Variants in C12orf42 observed in about 807,000 individuals in gnomAD.
C12orf42 encodes the protein uncharacterized protein C12orf42.
Under a neutral mutation model 21.6 loss-of-function variants are expected in C12orf42, and 25 were observed. That is an observed-to-expected ratio of 1.16 (90% CI 0.84 to 1.62). The LOEUF (loss-of-function observed/expected upper bound fraction) is 1.62, where lower values mean the gene tolerates loss of function less well. Ranked by LOEUF, C12orf42 falls within the 40% of genes most tolerant of loss-of-function variation. The pLI is 0.00. For missense variants in C12orf42, 483 were observed against 459.3 expected, an observed-to-expected ratio of 1.05 and a Z score of -0.47; for synonymous variants, 174 against 175.0, an observed-to-expected ratio of 0.99 and a Z score of 0.05.
the C12orf42 span, among the ~76,000 whole-genome samples, chr12:103,102,959 G>A: frequency 6.6e-6 from 1 of 152,150 alleles, no homozygotes; most frequent in Admixed American, 6.6e-5. Flanking sequence ...AGCTCTAGAA[G>A]TCACCTATTA....
chr12:103,074,651 T>C, the C12orf42 span, among the ~76,000 whole-genome samples: 7 of 152,236 alleles, frequency 4.6e-5, no homozygotes, highest in Admixed American at 4.6e-4. Flanking sequence ...TGATTAGGAT[T>C]CTGCCCTGGA....
intron 2 of C12orf42, among the ~76,000 whole-genome samples, chr12:103,414,638 T>TTCATTTTC (rs1386566238): frequency 1.3e-5 from 2 of 152,174 alleles, no homozygotes; most frequent in African/African-American, 4.8e-5. Context: ...CTAGGTATAT[T>TTCATTTTC]TCATTTTCTT....
At chr12:103,331,382 G>C (rs545353366) in intron 4 of C12orf42, among the ~76,000 whole-genome samples, 1 of 152,290 alleles carries the variant, frequency 6.6e-6, no homozygotes, top group East Asian at 1.9e-4. Context: ...AGTATTTCAT[G>C]ATTAACCCTG....
the C12orf42 span, among the ~76,000 whole-genome samples, chr12:103,076,355 TA>T: frequency 6.6e-6 from 1 of 151,692 alleles, no homozygotes; most frequent in Non-Finnish European, 1.5e-5. Context: ...TTGGGTATTA[TA>T]GGGGGTTAAT....
intron 2 of C12orf42, among the ~76,000 whole-genome samples, chr12:103,457,218 G>C (rs1211003258): frequency 6.6e-6 from 1 of 152,042 alleles, no homozygotes; most frequent in Non-Finnish European, 1.5e-5. Flanking sequence ...GATGATAAGG[G>C]AATAGTTCTG....
the C12orf42 span, among the ~76,000 whole-genome samples, chr12:103,193,895 A>T: frequency 6.6e-6 from 1 of 152,212 alleles, no homozygotes; most frequent in East Asian, 1.9e-4. Flanking sequence ...ATAGGCCATT[A>T]TCCTTGATGA....
the C12orf42 span, among the ~76,000 whole-genome samples, chr12:103,080,214 T>C: frequency 6.6e-6 from 1 of 152,158 alleles, no homozygotes; most frequent in Non-Finnish European, 1.5e-5. Flanking sequence ...TCAGTAAATG[T>C]ATAAATTACG....
the C12orf42 span, among the ~76,000 whole-genome samples, chr12:103,170,713 C>T: frequency 6.6e-6 from 1 of 152,136 alleles, no homozygotes; most frequent in Non-Finnish European, 1.5e-5. Flanking sequence ...AACCCCTTTT[C>T]ATCACTCCAT....
At chr12:103,501,331 G>T in the C12orf42 span, among the ~76,000 whole-genome samples, 1 of 152,306 alleles carries the variant, frequency 6.6e-6, no homozygotes, top group African/African-American at 2.4e-5. Context: ...GTTGGGAGAG[G>T]CAAAAGGAGA....
At chr12:103,130,674 A>G in the C12orf42 span, among the ~76,000 whole-genome samples, 1,329 of 152,246 alleles carry the variant, frequency 8.7e-3, 26 homozygotes, top group African/African-American at 0.03. Flanking sequence ...TGCAGGCTCA[A>G]TGGCAGCCTC....
At chr12:103,139,040 G>A in the C12orf42 span, among the ~76,000 whole-genome samples, 1 of 151,930 alleles carries the variant, frequency 6.6e-6, no homozygotes, top group Non-Finnish European at 1.5e-5. Context: ...CTTGTCTTGT[G>A]TTTTCTTTTC....
the C12orf42 span, among the ~76,000 whole-genome samples, chr12:103,213,926 A>G: frequency 2.0e-5 from 3 of 152,224 alleles, no homozygotes; most frequent in Non-Finnish European, 4.4e-5. Flanking sequence ...GATACCCAGC[A>G]CATGAGCTGA....
At chr12:103,151,047 C>T in the C12orf42 span, among the ~76,000 whole-genome samples, 1 of 152,134 alleles carries the variant, frequency 6.6e-6, no homozygotes, top group South Asian at 2.1e-4. Context: ...CCTGCCTCAG[C>T]ACCCTGAGTA....
intron 4 of C12orf42, among the ~76,000 whole-genome samples, chr12:103,315,874 C>CA (rs150066341): frequency 0.083 from 12,560 of 151,690 alleles, 524 homozygotes; most frequent in East Asian, 0.18. Flanking sequence ...GGTTTTACCA[C>CA]AAAAAATGAT....
the C12orf42 span, among the ~76,000 whole-genome samples, chr12:103,104,903 G>A: frequency 1.3e-5 from 2 of 152,196 alleles, no homozygotes; most frequent in Non-Finnish European, 2.9e-5. Flanking sequence ...CATGGAAGTA[G>A]CAAGGACATT....
the C12orf42 span, among the ~76,000 whole-genome samples, chr12:103,177,457 C>T: frequency 2.6e-5 from 4 of 152,138 alleles, no homozygotes; most frequent in African/African-American, 9.7e-5. Flanking sequence ...TTCCAAAGAG[C>T]TAAAGAAATG....
chr12:103,352,206 G>C (rs1438630489), intron 4 of C12orf42, among the ~76,000 whole-genome samples: 1 of 152,158 alleles, frequency 6.6e-6, no homozygotes, highest in East Asian at 1.9e-4. Flanking sequence ...AGGCCAAGGA[G>C]CTTACTGGTG....
intron 2 of C12orf42, among the ~76,000 whole-genome samples, chr12:103,408,622 C>A (rs2048600344): frequency 6.6e-6 from 1 of 152,166 alleles, no homozygotes; most frequent in Non-Finnish European, 1.5e-5. Flanking sequence ...CTCCATTTGT[C>A]ATTATCAGCC....
chr12:103,294,454 GAAAGAAAGA>G (rs2037050080), intron 4 of C12orf42, among the ~76,000 whole-genome samples: 1 of 112,064 alleles, frequency 8.9e-6, no homozygotes, highest in African/African-American at 4.0e-5. Flanking sequence ...AAGAAAGAAA[GAAAGAAAGA>G]AAGAAAGAAA....
Sources: gnomAD v4.1 joint callset for allele counts (sites outside exome capture counted in the v4.1 genomes callset) on GRCh38, gnomAD v4.1.1 for gene constraint, MANE v1.5 for transcripts, NCBI Gene and HGNC (gene_info 2026-07-23, HGNC 2026-07-21) for gene names.